Variants in SLC34A1 observed in about 807,000 individuals in gnomAD.
The protein encoded by SLC34A1 is solute carrier family 34 member 1, also known as sodium-dependent phosphate transport protein 2A.
A neutral mutation model predicts 51.4 loss-of-function variants in SLC34A1; 57 were observed. The ratio of observed to expected loss-of-function variants is 1.11; its 90% CI spans 0.90 to 1.38. The LOEUF (loss-of-function observed/expected upper bound fraction) is 1.38, where lower values mean the gene tolerates loss of function less well. SLC34A1 is among the 40% of genes most tolerant of loss of function. The pLI, the probability that SLC34A1 is intolerant of heterozygous loss-of-function variation, is 0.00. For synonymous variants in SLC34A1, 368 were observed against 358.0 expected (o/e 1.03, Z -0.32); for missense variants, 796 against 835.6 (o/e 0.95, Z 0.58).
chr5:177,397,355 TGGA>T (rs1763004477), intron 12 of SLC34A1: 1 of 511,730 alleles, frequency 2.0e-6, no homozygotes, highest in Non-Finnish European at 3.5e-6. Flanking sequence ...AAAGAGGGCC[TGGA>T]GCAGTTTGGG....
rs1763042528 is a variant in SLC34A1, at chr5:177,398,409, A to G, written c.*123A>G. ...CCTGGGTGCCAGTCTCTCCTTCTGTAGCTCCGCAAAGCTCTGGGCTTGTGT... is the reference window on the plus strand; with the variant it reads ...CCTGGGTGCCAGTCTCTCCTTCTGTGGCTCCGCAAAGCTCTGGGCTTGTGT... On this transcript the variant is annotated 3_prime_UTR_variant, in exon 13 of 13. Coordinates refer to ENST00000324417, the MANE Select transcript of SLC34A1 (RefSeq NM_003052.5). This position sits in a 1 kb window ranked among gnomAD's most constrained non-coding sequence, Gnocchi z 4.7. 1 of 1,090,884 alleles carries G rather than the reference A, an allele frequency of 9.2e-7. No homozygotes were observed. The allele number at this position is 1,090,884 out of a possible 1,614,324, so 67.6% of individuals were successfully genotyped here. A position where few individuals can be genotyped will look rare whatever the true frequency, so the allele number is the denominator to read the frequency against.
chr5:177,398,297 C>T lies in SLC34A1; in HGVS notation c.*11C>T, dbSNP rs1222351398. 6.3e-7 allele frequency: 1 copy of T among 1,599,224 alleles called. No homozygotes were observed. The stretch of plus-strand genomic sequence containing the variant: ...GCCACCCGCCTCTAGGCTGTGGGCC[C>T]AGACTACAGCCTGGAATGGGGAAGG... On this transcript the variant is annotated 3_prime_UTR_variant, in exon 13 of 13. Coordinates refer to ENST00000324417, the MANE Select transcript of SLC34A1 (RefSeq NM_003052.5). The surrounding 1 kb of genome is among the most constrained non-coding windows in gnomAD (Gnocchi z 4.7).
In SLC34A1 at chr5:177,388,334, A is replaced by G. The variant is rs368895606; in HGVS notation, c.898A>G (p.Ser300Gly). ...TGGTGATGAGTCCCTGAGGAACCAC[A>G]GTCTCATCCAGATCTGGTGCCACCC... ...ATGDESLRNHSLIQIWCHPDS... is the reference protein window; with the variant it reads ...ATGDESLRNHGLIQIWCHPDS... The change falls in exon 8 of 13, where the codon AGT (serine) becomes GGT (glycine). Residue 300 changes from serine (S) to glycine (G), a missense_variant. By Grantham distance (56) the Ser-to-Gly change is moderately conservative. Coordinates refer to ENST00000324417, the MANE Select transcript of SLC34A1 (RefSeq NM_003052.5). The surrounding 1 kb of genome is among the most constrained non-coding windows in gnomAD (Gnocchi z 4.3). The G allele has an allele frequency of 5.6e-6, 9 of 1,614,078 alleles. No homozygotes were observed. The highest frequency in any genetic ancestry group is 1.7e-5 in the Admixed American group (1 of 59,994).
At chr5:177,385,471 CAT>C (rs1051448035) in intron 1 of SLC34A1, among the ~76,000 whole-genome samples, 2 of 151,860 alleles carry the variant, frequency 1.3e-5, no homozygotes, top group Non-Finnish European at 2.9e-5. Context: ...CAGATGTGCA[CAT>C]GTGAGTCTGC....
rs551330414 is a variant in SLC34A1 at position 177,394,873 on chromosome 5, T to C, written c.1174+678T>C. Reference sequence around the variant, plus strand: ...AACACCCGGCTAATTTTTTGTATTTTTAGTCGAGACAGGGTTTCACCATGT... The same window carrying C: ...AACACCCGGCTAATTTTTTGTATTTCTAGTCGAGACAGGGTTTCACCATGT... On this transcript the variant is annotated intron_variant, in intron 10 of 12. Transcript: ENST00000324417. Among the ~76,000 whole-genome samples the C allele has an allele frequency of 1.4e-3, 210 of 152,086 alleles. 3 individuals carry two copies. Among genetic ancestry groups the C allele is most frequent in the South Asian group, 6.8e-3 (33 of 4,822 alleles).
At chr5:177,391,055 C>A (rs1229599554) in intron 8 of SLC34A1, among the ~76,000 whole-genome samples, 2 of 152,142 alleles carry the variant, frequency 1.3e-5, no homozygotes, top group Non-Finnish European at 2.9e-5. Flanking sequence ...CTGTTCTTCC[C>A]ACAGAGCCCA....
Position 177,386,758 on chromosome 5 carries a change from C to T in SLC34A1, c.532+192C>T, listed in dbSNP as rs979061242. Reference sequence around the variant, plus strand: ...ATGATTTATGGCAAGGAACTGGCTTCCCCGATGGTAGTTTGTCTGGGCAAG... The same window carrying T: ...ATGATTTATGGCAAGGAACTGGCTTTCCCGATGGTAGTTTGTCTGGGCAAG... On this transcript the variant is annotated intron_variant, in intron 5 of 12. Coordinates refer to ENST00000324417, the MANE Select transcript of SLC34A1 (RefSeq NM_003052.5). This position sits in a 1 kb window ranked among gnomAD's most constrained non-coding sequence, Gnocchi z 4.8. 2.0e-5 allele frequency among the ~76,000 whole-genome samples: 3 copies of T among 152,130 alleles called. No homozygotes were observed. The highest frequency in any genetic ancestry group is 7.2e-5 in the African/African-American group (3 of 41,408).
At position 177,388,429 on chromosome 5, in the gene SLC34A1, A is replaced by G; in HGVS notation, c.936+57A>G. On this transcript the variant is annotated intron_variant, in intron 8 of 12. Coordinates refer to ENST00000324417, the MANE Select transcript of SLC34A1 (RefSeq NM_003052.5). The surrounding 1 kb of genome is among the most constrained non-coding windows in gnomAD (Gnocchi z 4.3). ...ACTCCCTCTTCAGACTCTTGGTTTC[A>G]TTGTCTGTTCAAAATGCTCCAGATA... 7.0e-7 allele frequency: 1 copy of G among 1,424,214 alleles called. No homozygotes were observed. Among genetic ancestry groups the G allele is most frequent in the Non-Finnish European group, 9.9e-7 (1 of 1,009,044 alleles). 88.2% of individuals were successfully genotyped at this position (1,424,214 alleles called of 1,614,324 possible).
rs774206008 is a variant in SLC34A1, at chr5:177,397,875, G to A, written c.1509G>A (p.Ala503=). The A allele has an allele frequency of 6.2e-6, 10 of 1,613,700 alleles. No homozygotes were observed. The highest frequency in any genetic ancestry group is 4.0e-5 in the African/African-American group (3 of 74,910). The change falls in exon 13 of 13, where the codon GCG becomes GCA. Residue 503 remains alanine, a synonymous_variant. Coordinates refer to ENST00000324417, the MANE Select transcript of SLC34A1 (RefSeq NM_003052.5). Reference sequence around the variant, plus strand: ...GCCTGCCCATCCGCATGGCCAAGGCGCTGGGGAAACGCACGGCCAAGTACC... The same window carrying A: ...GCCTGCCCATCCGCATGGCCAAGGCACTGGGGAAACGCACGGCCAAGTACC... ...CTRLPIRMAK[A]LGKRTAKYRW...
intron 12 of SLC34A1, 197 bp from the exon 13 acceptor site, chr5:177,397,586 G>A (rs979293390): frequency 2.9e-6 from 2 of 680,026 alleles, no homozygotes; most frequent in Non-Finnish European, 5.1e-6. Context: ...TTACCAACTG[G>A]TCTAGAAGTA....
intron 8 of SLC34A1, chr5:177,389,706 C>CTGTT: frequency 6.5e-7 from 1 of 1,537,292 alleles, no homozygotes; most frequent in Non-Finnish European, 8.7e-7. Context: ...GAAGACAGCT[C>CTGTT]TGTTCCTCAC....
rs754711523 is a variant in SLC34A1 at position 177,397,896 on chromosome 5, G to A, written c.1530G>A (p.Lys510=). The change falls in exon 13 of 13, where the codon AAG becomes AAA. Residue 510 remains lysine, a synonymous_variant. Transcript: ENST00000324417. ...MAKALGKRTA[K]YRWFAVLYLL... is the part of the protein sequence containing the mutation. ...AGGCGCTGGGGAAACGCACGGCCAA[G>A]TACCGCTGGTTTGCCGTCCTCTATC... 20 of 1,613,962 alleles carry A rather than the reference G, an allele frequency of 1.2e-5. No individual in the cohort carries two copies. The highest frequency in any genetic ancestry group is 1.5e-5 in the Non-Finnish European group (18 of 1,180,008).
In SLC34A1 at chr5:177,396,459, CCG is replaced by C. The variant is rs1762961547; in HGVS notation, c.1175-272_1175-271del. The stretch of plus-strand genomic sequence containing the variant: ...GCTCTCCCAGTGCCCCCGCGGAGGT[CCG>C]CTCTCCCAGTGCCCCCGCGGAGGTC... On this transcript the variant is annotated intron_variant, in intron 10 of 12. Coordinates refer to ENST00000324417, the MANE Select transcript of SLC34A1 (RefSeq NM_003052.5). This position sits in a 1 kb window ranked among gnomAD's most constrained non-coding sequence, Gnocchi z 4.0. Among the ~76,000 whole-genome samples, 3 of 148,736 alleles carry C rather than the reference CCG, an allele frequency of 2.0e-5. No individual in the cohort carries two copies. The highest frequency in any genetic ancestry group is 6.7e-5 in the Admixed American group (1 of 14,956).
In SLC34A1 at chr5:177,398,819, A is replaced by T; in HGVS notation, c.*533A>T. 6.1e-6 allele frequency: 1 copy of T among 164,768 alleles called. No individual in the cohort carries two copies. Among genetic ancestry groups the T allele is most frequent in the Non-Finnish European group, 1.3e-5 (1 of 74,090 alleles). The allele number at this position is 164,768 out of a possible 1,614,324, so 10.2% of individuals were successfully genotyped here. On this transcript the variant is annotated 3_prime_UTR_variant, in exon 13 of 13. Coordinates refer to ENST00000324417, the MANE Select transcript of SLC34A1 (RefSeq NM_003052.5). This position sits in a 1 kb window ranked among gnomAD's most constrained non-coding sequence, Gnocchi z 4.7. ...TCCCAACACTTGCCTGATGGAAAAA[A>T]AACAAAGGAATTAAAACTCTCCTCA...
Position 177,397,937 on chromosome 5 carries a change from T to C in SLC34A1, c.1571T>C (p.Leu524Pro). 1 of 1,614,112 alleles carries C rather than the reference T, an allele frequency of 6.2e-7. No individual in the cohort carries two copies. Among genetic ancestry groups the C allele is most frequent in the Non-Finnish European group, 8.5e-7 (1 of 1,180,032 alleles). The change falls in exon 13 of 13, where the codon CTG becomes CCG. Residue 524 changes from leucine (L) to proline (P), a missense_variant. Physicochemically the swap from Leu to Pro is moderately conservative, Grantham distance 98 (BLOSUM62 -3). Coordinates refer to ENST00000324417, the MANE Select transcript of SLC34A1 (RefSeq NM_003052.5). ...GTCCTCTATCTCCTTGTCTGCTTCC[T>C]GCTGCTGCCCTCACTGGTGTTTGGC... is the stretch of plus-strand genomic sequence containing the variant. ...FAVLYLLVCF[L>P]LLPSLVFGIS...
intron 8 of SLC34A1, among the ~76,000 whole-genome samples, chr5:177,393,246 T>A (rs1762861939): frequency 6.6e-6 from 1 of 151,456 alleles, no homozygotes; most frequent in Non-Finnish European, 1.5e-5. Context: ...AAGGAATTGA[T>A]CTAGAGGAGA....
At chr5:177,389,917 T>C in intron 8 of SLC34A1, 2 of 1,426,810 alleles carry the variant, frequency 1.4e-6, no homozygotes, top group Admixed American at 5.7e-5. Flanking sequence ...CCTTAAACGC[T>C]TTCTGCAGGG....
rs1198188568 is a variant in SLC34A1, at chr5:177,388,213, G to A, written c.840+24G>A. Reference sequence around the variant, plus strand: ...AGGTGACAGCAGGGCCTGGCATGGGGTGAGGGTGGGGGTAACAAGGGACCC... The same window carrying A: ...AGGTGACAGCAGGGCCTGGCATGGGATGAGGGTGGGGGTAACAAGGGACCC... On this transcript the variant is annotated intron_variant, in intron 7 of 12. Transcript: ENST00000324417. This position sits in a 1 kb window ranked among gnomAD's most constrained non-coding sequence, Gnocchi z 4.3. 4.3e-6 allele frequency: 7 copies of A among 1,614,002 alleles called. No homozygotes were observed. In the Middle Eastern group the frequency reaches 4.9e-4, roughly 114 times the overall value.
intron 8 of SLC34A1, chr5:177,390,408 T>C: frequency 1.0e-6 from 1 of 984,078 alleles, no homozygotes; most frequent in South Asian, 4.7e-5. Flanking sequence ...GCAGGGATTA[T>C]CACGTCCCCA....
Sources: allele counts gnomAD v4.1 joint callset (sites outside exome capture counted in the v4.1 genomes callset), GRCh38; gene constraint gnomAD v4.1.1; non-coding constraint Gnocchi (gnomAD v3.1); transcripts MANE v1.5; gene names NCBI Gene and HGNC (gene_info 2026-07-23, HGNC 2026-07-21).